Variants in MACF1 observed in about 807,000 individuals in gnomAD.
MACF1 encodes the protein microtubule-actin cross-linking factor 1.
In MACF1, 193 loss-of-function variants were observed where a neutral mutation model predicts 854.8. The observed-to-expected ratio is 0.23, with a 90% CI of 0.20 to 0.25. MACF1 has a LOEUF of 0.25. MACF1 is among the 10% of genes least tolerant of loss of function. The probability of loss-of-function intolerance (pLI) is 1.00; values close to 1 mark genes in which losing one functional copy is unlikely to be tolerated. For missense variants in MACF1, 7,722 were observed against 8,929.1 expected, an observed-to-expected ratio of 0.86 and a Z score of 5.45; for synonymous variants, 3,185 against 3,226.7, an observed-to-expected ratio of 0.99 and a Z score of 0.44.
intron 2 of MACF1, among the ~76,000 whole-genome samples, chr1:39,127,453 G>A (rs1209714269): frequency 2.0e-5 from 3 of 152,164 alleles, no homozygotes; most frequent in Non-Finnish European, 4.4e-5. Flanking sequence ...TAATTCTCAT[G>A]ATAACCCTGT....
intron 2 of MACF1, among the ~76,000 whole-genome samples, chr1:39,122,012 T>C (rs955770534): frequency 6.6e-6 from 1 of 152,124 alleles, no homozygotes; most frequent in Non-Finnish European, 1.5e-5. Context: ...ATGGTCTGAT[T>C]TGAACTACTC....
chr1:39,433,835 A>ATC (rs1367088305), intron 68 of MACF1, among the ~76,000 whole-genome samples: 3 of 152,094 alleles, frequency 2.0e-5, no homozygotes, highest in Non-Finnish European at 4.4e-5. Flanking sequence ...ATCCCAGCAC[A>ATC]TTGGGAGGCC....
intron 2 of MACF1, among the ~76,000 whole-genome samples, chr1:39,151,970 T>C (rs772966068): frequency 3.3e-5 from 5 of 151,930 alleles, no homozygotes; most frequent in Non-Finnish European, 5.9e-5. Context: ...TTATAAAATA[T>C]ATATATTTTT....
intron 40 of MACF1, among the ~76,000 whole-genome samples, chr1:39,343,147 A>G (rs996155139): frequency 2.0e-5 from 3 of 152,130 alleles, no homozygotes; most frequent in Admixed American, 6.6e-5. Flanking sequence ...TTTCTCCCCA[A>G]TATTGTTCTC....
chr1:39,154,344 C>CT (rs1231578042), intron 2 of MACF1: 4 of 152,308 alleles, frequency 2.6e-5, no homozygotes, highest in South Asian at 2.1e-4. Context: ...TGGTGAGACT[C>CT]TGAGTTCTGG....
chr1:39,094,418 A>G (rs1641886748), intron 2 of MACF1, among the ~76,000 whole-genome samples: 2 of 151,026 alleles, frequency 1.3e-5, no homozygotes, highest in South Asian at 4.2e-4. Context: ...AAAAAAAAAG[A>G]AAAGAAAAAA....
chr1:39,137,537 T>C (rs1643209579), intron 2 of MACF1, among the ~76,000 whole-genome samples: 2 of 152,224 alleles, frequency 1.3e-5, no homozygotes, highest in African/African-American at 4.8e-5. Context: ...GGCTAATTTT[T>C]AAATTTTTTG....
chr1:39,126,971 CCT>C (rs1373182605), intron 2 of MACF1, among the ~76,000 whole-genome samples: 1 of 152,166 alleles, frequency 6.6e-6, no homozygotes, highest in Non-Finnish European at 1.5e-5. Flanking sequence ...TTGGCTCAAG[CCT>C]GTAATCCCAG....
chr1:39,121,203 A>G (rs922680511), intron 2 of MACF1, among the ~76,000 whole-genome samples: 1 of 152,208 alleles, frequency 6.6e-6, no homozygotes, highest in Non-Finnish European at 1.5e-5. Context: ...CATAAGGAAA[A>G]GAGGCATGGA....
At chr1:39,253,028 A>G (rs183234169) in intron 4 of MACF1, among the ~76,000 whole-genome samples, 1 of 152,350 alleles carries the variant, frequency 6.6e-6, no homozygotes, top group Admixed American at 6.5e-5. Flanking sequence ...TCAATTTGAC[A>G]CTTACAAAAG....
intron 58 of MACF1, among the ~76,000 whole-genome samples, chr1:39,417,697 C>T (rs1643368555): frequency 1.4e-5 from 2 of 146,160 alleles, no homozygotes; most frequent in Admixed American, 1.4e-4. Flanking sequence ...CAGGAATGTG[C>T]CACCACACCC....
chr1:39,115,531 G>C (rs962686418), intron 2 of MACF1, among the ~76,000 whole-genome samples: 7 of 152,126 alleles, frequency 4.6e-5, no homozygotes, highest in African/African-American at 1.7e-4. Context: ...TCCACGAGAA[G>C]ATACTGAGTT....
intron 49 of MACF1, among the ~76,000 whole-genome samples, chr1:39,365,100 G>A (rs566950113): frequency 7.9e-5 from 12 of 151,894 alleles, no homozygotes; most frequent in Middle Eastern, 3.4e-3. Context: ...TTTTTGAGAC[G>A]GAGTCTTGCT....
intron 6 of MACF1, among the ~76,000 whole-genome samples, chr1:39,271,399 G>A (rs557456964): frequency 7.2e-5 from 11 of 152,242 alleles, no homozygotes; most frequent in African/African-American, 2.4e-4. Flanking sequence ...CTACCCTCAC[G>A]AGAACAGCAC....
At chr1:39,243,791 GAGGATTTT>G (rs989867440) in intron 2 of MACF1, among the ~76,000 whole-genome samples, 31 of 152,298 alleles carry the variant, frequency 2.0e-4, no homozygotes, top group Middle Eastern at 3.4e-3. Context: ...CAGAAGAGAT[GAGGATTTT>G]AGGATGGATA....
At chr1:39,352,216 CTA>C (rs1170260986) in intron 43 of MACF1, among the ~76,000 whole-genome samples, 2 of 152,088 alleles carry the variant, frequency 1.3e-5, no homozygotes, top group African/African-American at 4.8e-5. Context: ...CCTATTTAAT[CTA>C]TTAAAATACA....
At chr1:39,168,316 A>G (rs938653634) in intron 2 of MACF1, among the ~76,000 whole-genome samples, 2 of 152,122 alleles carry the variant, frequency 1.3e-5, no homozygotes, top group Non-Finnish European at 2.9e-5. Flanking sequence ...TTTACCTTCA[A>G]TGAGAGTATT....
At chr1:39,368,126 C>T in intron 49 of MACF1, 22 bp from the exon 50 acceptor site, 1 of 1,609,862 alleles carries the variant, frequency 6.2e-7, no homozygotes, top group Non-Finnish European at 8.5e-7. Flanking sequence ...GGATTTAATA[C>T]ATTTCCTTGT....
At chr1:39,369,466 T>G (rs1330832135) in intron 50 of MACF1, among the ~76,000 whole-genome samples, 1 of 152,200 alleles carries the variant, frequency 6.6e-6, no homozygotes, top group African/African-American at 2.4e-5. Flanking sequence ...TTTCTTCCCC[T>G]ATGCTGAGGG....
Sources: gnomAD v4.1 joint callset for allele counts (sites outside exome capture counted in the v4.1 genomes callset) on GRCh38, gnomAD v4.1.1 for gene constraint, MANE v1.5 for transcripts, NCBI Gene and HGNC (gene_info 2026-07-23, HGNC 2026-07-21) for gene names.